Variants in PXDNL observed in about 807,000 individuals in gnomAD.
PXDNL encodes peroxidasin like, also known as probable oxidoreductase PXDNL.
In PXDNL, 145 loss-of-function variants were observed where a neutral mutation model predicts 150.8. That is an observed-to-expected ratio of 0.96 (90% CI 0.84 to 1.10). The LOEUF is 1.10. Ranked by LOEUF, PXDNL falls within the 50% of genes least tolerant of loss-of-function variation. The probability of loss-of-function intolerance (pLI) is 0.00; values close to 1 mark genes in which losing one functional copy is unlikely to be tolerated. For missense variants in PXDNL, 2,087 were observed against 1,873.9 expected (o/e 1.11, Z -2.10); for synonymous variants, 757 against 725.7 (o/e 1.04, Z -0.69).
intron 1 of PXDNL, among the ~76,000 whole-genome samples, chr8:51,808,340 CTTTT>C (rs1347154665): frequency 1.3e-5 from 2 of 152,014 alleles, no homozygotes; most frequent in Admixed American, 6.6e-5. Flanking sequence ...TCCTTTTCTT[CTTTT>C]ATTTTTTCTT....
At chr8:51,321,652 G>T (rs767737928) in intron 21 of PXDNL, among the ~76,000 whole-genome samples, 8 of 152,218 alleles carry the variant, frequency 5.3e-5, no homozygotes, top group Non-Finnish European at 8.8e-5. Context: ...GCCATGTGAA[G>T]AAGGTGCTTG....
intron 1 of PXDNL, among the ~76,000 whole-genome samples, chr8:51,770,779 T>A (rs1429064154): frequency 6.6e-6 from 1 of 152,164 alleles, no homozygotes; most frequent in African/African-American, 2.4e-5. Flanking sequence ...GGAGAAATAT[T>A]TCAGGATACC....
At chr8:51,779,857 C>A (rs1304480107) in intron 1 of PXDNL, among the ~76,000 whole-genome samples, 2 of 152,160 alleles carry the variant, frequency 1.3e-5, no homozygotes, top group African/African-American at 4.8e-5. Flanking sequence ...GCATCTCAAG[C>A]CTGGCTTTTC....
chr8:51,340,296 G>A (rs1466370320), intron 20 of PXDNL: 2 of 152,086 alleles, frequency 1.3e-5, no homozygotes, highest in African/African-American at 2.4e-5. Flanking sequence ...GAAACCTTGG[G>A]TTGAATTTAA....
chr8:51,335,853 A>G (rs771940470), intron 21 of PXDNL, among the ~76,000 whole-genome samples: 2 of 152,206 alleles, frequency 1.3e-5, no homozygotes, highest in Non-Finnish European at 2.9e-5. Context: ...AATATAATTT[A>G]CTGGGCCCAA....
chr8:51,374,408 A>T (rs1457431922), intron 18 of PXDNL, among the ~76,000 whole-genome samples, 189 bp downstream of exon 18: 3 of 152,226 alleles, frequency 2.0e-5, no homozygotes, highest in Non-Finnish European at 4.4e-5. Flanking sequence ...TCTTACAAAG[A>T]TTTACAAAAA....
chr8:51,792,288 A>G (rs2037520344), intron 1 of PXDNL, among the ~76,000 whole-genome samples: 1 of 152,114 alleles, frequency 6.6e-6, no homozygotes, highest in African/African-American at 2.4e-5. Context: ...CAGCAAGGAA[A>G]AGAAGAGTAG....
chr8:51,470,034 G>T (rs1246729955), intron 8 of PXDNL, among the ~76,000 whole-genome samples: 3 of 151,960 alleles, frequency 2.0e-5, no homozygotes, highest in Non-Finnish European at 2.9e-5. Flanking sequence ...CAGGCAATGT[G>T]ATTTTTTCAC....
chr8:51,569,485 G>T (rs544069975), intron 3 of PXDNL, among the ~76,000 whole-genome samples: 1 of 152,002 alleles, frequency 6.6e-6, no homozygotes, highest in Non-Finnish European at 1.5e-5. Context: ...CATGACAATT[G>T]TATGTCGCTC....
intron 1 of PXDNL, among the ~76,000 whole-genome samples, chr8:51,722,462 A>G (rs1302136118): frequency 6.6e-6 from 1 of 152,190 alleles, no homozygotes; most frequent in Non-Finnish European, 1.5e-5. Flanking sequence ...TTACATGTTA[A>G]CCAACTCAGT....
At chr8:51,493,582 T>C (rs1189180424) in intron 5 of PXDNL, among the ~76,000 whole-genome samples, 2 of 151,994 alleles carry the variant, frequency 1.3e-5, no homozygotes, top group Non-Finnish European at 2.9e-5. Context: ...AGAGAAGTCC[T>C]TAAAGGACCT....
At chr8:51,490,609 CTTTA>C (rs925570244) in intron 5 of PXDNL, among the ~76,000 whole-genome samples, 30 of 149,176 alleles carry the variant, frequency 2.0e-4, no homozygotes, top group Non-Finnish European at 3.3e-4. Flanking sequence ...ATTTAGTGGA[CTTTA>C]TTTATGAGTC....
chr8:51,492,805 C>A lies in PXDNL; in HGVS notation c.452+6894G>T, dbSNP rs181726066. 2.6e-3 allele frequency among the ~76,000 whole-genome samples: 403 copies of A among 152,234 alleles called. 7 individuals carry two copies. Among genetic ancestry groups the A allele is most frequent in the East Asian group, 4.3e-3 (22 of 5,170 alleles). On this transcript the variant is annotated intron_variant, in intron 5 of 22. Transcript: ENST00000356297. ...CCCAGAAGCTCGAACTGGGTGGAGC[C>A]CACCGCAGCGTAAGGAGGCCTGCCT... is the stretch of plus-strand genomic sequence containing the variant.
At chr8:51,796,777 C>G (rs555810165) in intron 1 of PXDNL, among the ~76,000 whole-genome samples, 218 of 152,302 alleles carry the variant, frequency 1.4e-3, no homozygotes, top group African/African-American at 5.0e-3. Context: ...TCTTCTGAAA[C>G]TATTCCAAAC....
intron 12 of PXDNL, among the ~76,000 whole-genome samples, chr8:51,446,234 T>A (rs978518170): frequency 6.6e-6 from 1 of 152,210 alleles, no homozygotes; most frequent in African/African-American, 2.4e-5. Flanking sequence ...TATGCTCTCA[T>A]CAATATATGT....
At chr8:51,735,535 T>TGC (rs374582450) in intron 1 of PXDNL, among the ~76,000 whole-genome samples, 1 of 120,124 alleles carries the variant, frequency 8.3e-6, no homozygotes, top group Non-Finnish European at 1.6e-5. Context: ...TGTTTTTTTT[T>TGC]TTTTTTTTTT....
In PXDNL at chr8:51,472,175, C is replaced by A. The variant is rs1394482629; in HGVS notation, c.812+12G>T. The A allele has an allele frequency of 6.5e-7, 1 of 1,545,012 alleles. No individual in the cohort carries two copies. Among genetic ancestry groups the A allele is most frequent in the African/African-American group, 1.4e-5 (1 of 73,560 alleles). On this transcript the variant is annotated intron_variant, in intron 8 of 22. Transcript: ENST00000356297. ...AGGAGAATCACAACCCATGTCCATGCTCAGTATTTACTTGTTGTGTATCCA... is the reference window on the plus strand; with the variant it reads ...AGGAGAATCACAACCCATGTCCATGATCAGTATTTACTTGTTGTGTATCCA...
intron 1 of PXDNL, among the ~76,000 whole-genome samples, chr8:51,695,782 T>A (rs73580258): frequency 0.035 from 5,323 of 152,270 alleles, 297 homozygotes; most frequent in African/African-American, 0.12. Context: ...AGCAAGTGAA[T>A]GTGAGAGCTG....
chr8:51,749,636 G>A lies in PXDNL; in HGVS notation c.164+59545C>T, dbSNP rs138273176. Among the ~76,000 whole-genome samples, 185 of 152,288 alleles carry A rather than the reference G, an allele frequency of 1.2e-3. 2 individuals are homozygous for A. The highest frequency in any genetic ancestry group is 4.2e-3 in the African/African-American group (173 of 41,556). On this transcript the variant is annotated intron_variant, in intron 1 of 22. Transcript: ENST00000356297. ...GGGGTGAGTGAATGTGAAGGCCTAG[G>A]ACATTACTGTACGCTACTGTAGACT...
Sources: allele counts gnomAD v4.1 joint callset (sites outside exome capture counted in the v4.1 genomes callset), GRCh38; gene constraint gnomAD v4.1.1; transcripts MANE v1.5; gene names NCBI Gene and HGNC (gene_info 2026-07-23, HGNC 2026-07-21).